Variants in CFAP299 observed in about 807,000 individuals in gnomAD.
The protein encoded by CFAP299 is cilia and flagella associated protein 299, also known as cilia- and flagella-associated protein 299.
A neutral mutation model predicts 27.0 loss-of-function variants in CFAP299; 21 were observed. That is an observed-to-expected ratio of 0.78 (90% CI 0.55 to 1.12). CFAP299 has a LOEUF of 1.12. Among genes scored for constraint, CFAP299 ranks in the 50% most tolerant of loss-of-function variants. The pLI, the probability that CFAP299 is intolerant of heterozygous loss-of-function variation, is 0.00. For missense variants in CFAP299, 310 were observed against 276.6 expected, an observed-to-expected ratio of 1.12 and a Z score of -0.86; for synonymous variants, 104 against 98.1, an observed-to-expected ratio of 1.06 and a Z score of -0.36.
chr4:80,800,276 T>G (rs1337652046), intron 3 of CFAP299, among the ~76,000 whole-genome samples: 1 of 74,004 alleles, frequency 1.4e-5, no homozygotes, highest in African/African-American at 5.7e-5. Context: ...AAAATATATA[T>G]AATATATAAT....
intron 2 of CFAP299, among the ~76,000 whole-genome samples, chr4:80,390,724 CATGTAT>C (rs1243563850): frequency 2.5e-5 from 3 of 119,246 alleles, no homozygotes; most frequent in Non-Finnish European, 5.1e-5. Flanking sequence ...TACACACATA[CATGTAT>C]ATATGTATAT....
intron 3 of CFAP299, among the ~76,000 whole-genome samples, chr4:80,636,305 G>A (rs1184473731): frequency 6.6e-6 from 1 of 152,016 alleles, no homozygotes; most frequent in Admixed American, 6.6e-5. Context: ...ATATTAAAAG[G>A]TCATCTATGA....
chr4:80,946,438 AGTTTCCAAAAAGCTAC>A (rs1737482251), intron 5 of CFAP299, among the ~76,000 whole-genome samples: 1 of 152,274 alleles, frequency 6.6e-6, no homozygotes, highest in Admixed American at 6.5e-5. Flanking sequence ...CTTTAAAGGG[AGTTTCCAAAAAGCTAC>A]TGCACAAACC....
intron 2 of CFAP299, among the ~76,000 whole-genome samples, chr4:80,551,236 A>G (rs1437477614): frequency 6.6e-6 from 1 of 152,208 alleles, no homozygotes; most frequent in South Asian, 2.1e-4. Flanking sequence ...AAAATATGCC[A>G]TATTAGGGTT....
At chr4:80,834,048 G>A (rs1730437275) in intron 3 of CFAP299, among the ~76,000 whole-genome samples, 1 of 152,180 alleles carries the variant, frequency 6.6e-6, no homozygotes, top group Admixed American at 6.5e-5. Flanking sequence ...GAAAATACTT[G>A]CAGTTTGCTA....
chr4:80,379,475 G>A (rs1181506826), intron 2 of CFAP299, among the ~76,000 whole-genome samples: 2 of 151,760 alleles, frequency 1.3e-5, no homozygotes, highest in Non-Finnish European at 2.9e-5. Context: ...GTGCTTTAAT[G>A]TAGAATATTA....
intron 3 of CFAP299, among the ~76,000 whole-genome samples, chr4:80,719,702 G>A (rs963549745): frequency 6.6e-6 from 1 of 152,182 alleles, no homozygotes; most frequent in South Asian, 2.1e-4. Context: ...CACCACTGCA[G>A]TGTAGGTAAG....
intron 2 of CFAP299, among the ~76,000 whole-genome samples, chr4:80,530,148 T>C (rs1733398470): frequency 6.6e-6 from 1 of 152,130 alleles, no homozygotes; most frequent in Admixed American, 6.5e-5. Flanking sequence ...TGTACTTCCA[T>C]ATGTTTGCTT....
chr4:80,322,271 G>T, the CFAP299 span, among the ~76,000 whole-genome samples: 5 of 152,176 alleles, frequency 3.3e-5, no homozygotes, highest in African/African-American at 1.2e-4. Flanking sequence ...CTTGCTCCTT[G>T]GGTAAATAAA....
intron 2 of CFAP299, among the ~76,000 whole-genome samples, chr4:80,502,754 T>C (rs1731806751): frequency 6.6e-6 from 1 of 152,138 alleles, no homozygotes; most frequent in African/African-American, 2.4e-5. Flanking sequence ...TCCACTTCTT[T>C]GTCTTTCACT....
chr4:80,937,197 C>G lies in CFAP299; in HGVS notation c.477-7613C>G, dbSNP rs956017834. Among the ~76,000 whole-genome samples, 4 of 144,660 alleles carry G rather than the reference C, an allele frequency of 2.8e-5. No homozygotes were observed. In the East Asian group the frequency reaches 8.7e-4, roughly 31 times the overall value. The allele number at this position is 144,660 out of a possible 152,430, so 94.9% of individuals were successfully genotyped here. ...AATCTTGTTATCATTATACAATGACCTTCTATTTCATTTGAGAGTTTTTTA... is the reference window on the plus strand; with the variant it reads ...AATCTTGTTATCATTATACAATGACGTTCTATTTCATTTGAGAGTTTTTTA... On this transcript the variant is annotated intron_variant, in intron 4 of 5. Transcript: ENST00000358105.
intron 3 of CFAP299, among the ~76,000 whole-genome samples, chr4:80,724,619 C>G (rs1723038921): frequency 1.3e-5 from 2 of 151,920 alleles, no homozygotes; most frequent in Admixed American, 1.3e-4. Context: ...AAAAGCAGGC[C>G]TTTTAGTTGA....
At chr4:80,686,682 T>A (rs990852710) in intron 3 of CFAP299, among the ~76,000 whole-genome samples, 9 of 152,184 alleles carry the variant, frequency 5.9e-5, no homozygotes, top group Non-Finnish European at 1.2e-4. Flanking sequence ...TAATTATTAA[T>A]CTTTCTTTGG....
At chr4:80,748,186 T>C (rs1445707842) in intron 3 of CFAP299, among the ~76,000 whole-genome samples, 2 of 152,152 alleles carry the variant, frequency 1.3e-5, no homozygotes, top group Non-Finnish European at 2.9e-5. Flanking sequence ...AATGTATCCC[T>C]GTCATTAAGT....
intron 3 of CFAP299, among the ~76,000 whole-genome samples, chr4:80,690,367 C>A (rs1388469734): frequency 1.3e-5 from 2 of 152,056 alleles, no homozygotes; most frequent in Admixed American, 6.6e-5. Context: ...TGAAATCAAA[C>A]TAGAACTCAG....
At chr4:80,949,214 A>T (rs543803310) in intron 5 of CFAP299, among the ~76,000 whole-genome samples, 1 of 152,208 alleles carries the variant, frequency 6.6e-6, no homozygotes, top group African/African-American at 2.4e-5. Flanking sequence ...TATGAGTCAC[A>T]TGGGGAGGTG....
intron 2 of CFAP299, among the ~76,000 whole-genome samples, chr4:80,366,066 T>C (rs1723819072): frequency 6.6e-6 from 1 of 152,176 alleles, no homozygotes; most frequent in Admixed American, 6.5e-5. Flanking sequence ...CATGTGGTAG[T>C]CCATTCCCTT....
At chr4:80,891,823 A>C (rs1175148283) in intron 4 of CFAP299, among the ~76,000 whole-genome samples, 1 of 86,836 alleles carries the variant, frequency 1.2e-5, no homozygotes, top group Non-Finnish European at 2.2e-5. Context: ...GAAGCCCTAG[A>C]TTAAAGGAAA....
At chr4:80,579,759 C>T (rs1306132404) in intron 2 of CFAP299, among the ~76,000 whole-genome samples, 1 of 151,714 alleles carries the variant, frequency 6.6e-6, no homozygotes, top group African/African-American at 2.4e-5. Flanking sequence ...AAAAACTGAC[C>T]ACATGATACT....
Sources: gnomAD v4.1 joint callset for allele counts (sites outside exome capture counted in the v4.1 genomes callset) on GRCh38, gnomAD v4.1.1 for gene constraint, MANE v1.5 for transcripts, NCBI Gene and HGNC (gene_info 2026-07-23, HGNC 2026-07-21) for gene names.